The following PFKP variants were observed in gnomAD, a reference collection of about 807,000 sequenced individuals.
PFKP encodes ATP-dependent 6-phosphofructokinase, platelet type.
Under a neutral mutation model 94.3 loss-of-function variants are expected in PFKP, and 101 were observed. The ratio of observed to expected loss-of-function variants is 1.07; its 90% confidence interval spans 0.91 to 1.26. PFKP has a LOEUF of 1.26. Among genes scored for constraint, PFKP ranks in the 50% most tolerant of loss-of-function variants. The pLI, the probability that PFKP is intolerant of heterozygous loss-of-function variation, is 0.00. For missense variants in PFKP, 1,145 were observed against 1,103.3 expected, an observed-to-expected ratio of 1.04 and a Z score of -0.53; for synonymous variants, 573 against 432.6, an observed-to-expected ratio of 1.32 and a Z score of -4.03.
intron 1 of PFKP, among the ~76,000 whole-genome samples, chr10:3,074,826 C>A (rs1201543638): frequency 6.6e-6 from 1 of 152,124 alleles, no homozygotes; most frequent in African/African-American, 2.4e-5. Context: ...TGTGCCGAGA[C>A]CAGCTCAGTC....
At chr10:3,129,724 G>C (rs1271103872) in intron 16 of PFKP, 95 bp from the exon 17 acceptor site, 1 of 1,333,988 alleles carries the variant, frequency 7.5e-7, no homozygotes, top group Non-Finnish European at 1.0e-6. Flanking sequence ...GGGCGCGGTG[G>C]GGGGGCCTTG....
At chr10:3,106,236 G>C (rs545092176) in intron 7 of PFKP, among the ~76,000 whole-genome samples, 2 of 147,714 alleles carry the variant, frequency 1.4e-5, no homozygotes, top group South Asian at 4.4e-4. Flanking sequence ...CGCCTGTGGG[G>C]CGTCCACCTG....
chr10:3,069,847 T>G (rs1157398414), intron 1 of PFKP, among the ~76,000 whole-genome samples: 1 of 152,242 alleles, frequency 6.6e-6, no homozygotes, highest in Non-Finnish European at 1.5e-5. Flanking sequence ...CATGTGAGAT[T>G]AGGATACATT....
intron 1 of PFKP, among the ~76,000 whole-genome samples, chr10:3,076,139 C>T (rs760989287): frequency 2.1e-4 from 32 of 151,846 alleles, no homozygotes; most frequent in African/African-American, 4.4e-4. Context: ...CACTGTTTTC[C>T]GTAGTAAGTC....
Position 3,136,586 on chromosome 10 carries a change from C to T in PFKP, c.*7C>T, listed in dbSNP as rs1352393863. ...GCAGCCCTGGAGTGTCTGACCCAGT[C>T]CCGCCTGCATGTGCCTGCAGCCACC... On this transcript the variant is annotated 3_prime_UTR_variant, in exon 22 of 22. Coordinates refer to ENST00000381125, the MANE Select transcript of PFKP (RefSeq NM_002627.5). The T allele has an allele frequency of 1.9e-6, 3 of 1,612,836 alleles. No individual in the cohort carries two copies. Among genetic ancestry groups the T allele is most frequent in the Non-Finnish European group, 2.5e-6 (3 of 1,179,362 alleles).
At chr10:3,132,623 C>A (rs1412871540) in intron 18 of PFKP, among the ~76,000 whole-genome samples, 182 bp downstream of exon 18, 1 of 151,956 alleles carries the variant, frequency 6.6e-6, no homozygotes, top group African/African-American at 2.4e-5. Flanking sequence ...TGCATTTAGA[C>A]AACTAATATT....
intron 16 of PFKP, 139 bp from the exon 17 acceptor site, chr10:3,129,680 C>A: frequency 1.1e-6 from 1 of 892,256 alleles, no homozygotes; most frequent in Non-Finnish European, 1.8e-6. Context: ...GCTGCACACC[C>A]TTCACCTCTG....
At chr10:3,098,706 G>T (rs575728690) in intron 2 of PFKP, among the ~76,000 whole-genome samples, 1 of 147,202 alleles carries the variant, frequency 6.8e-6, no homozygotes, top group African/African-American at 2.5e-5. Flanking sequence ...TTGTCCTTGG[G>T]CTTCTTCTAT....
At chr10:3,118,714 G>A in intron 14 of PFKP, 68 bp from the exon 15 acceptor site, 1 of 1,114,976 alleles carries the variant, frequency 9.0e-7, no homozygotes, top group Non-Finnish European at 1.4e-6. Flanking sequence ...GTGGGGACCG[G>A]CGTGGCGTCC....
chr10:3,110,699 G>C (rs947771892), intron 10 of PFKP, among the ~76,000 whole-genome samples: 1 of 152,076 alleles, frequency 6.6e-6, no homozygotes, highest in Non-Finnish European at 1.5e-5. Flanking sequence ...TGTGTGCGCA[G>C]GCTTGTGTCT....
At position 3,108,769 on chromosome 10, in the gene PFKP, C is replaced by A. The variant is rs11542780; in HGVS notation, c.939C>A (p.Thr313=). The change falls in exon 9 of 22, where the codon ACC becomes ACA. Residue 313 remains threonine (T), a synonymous_variant. Transcript: ENST00000381125. ...TILGHVQRGG[T]PSAFDRILAS... ...TCGGGCACGTGCAGAGAGGAGGGAC[C>A]CCTTCGGCATTCGACAGGATCTTGG... 1 of 1,613,314 alleles carries A rather than the reference C, an allele frequency of 6.2e-7. No individual in the cohort carries two copies. Among genetic ancestry groups the A allele is most frequent in the South Asian group, 1.1e-5 (1 of 91,080 alleles).
rs202105167 is a variant in PFKP at position 3,109,464 on chromosome 10, T to C, written c.1073T>C (p.Met358Thr). 3 of 1,605,576 alleles carry C rather than the reference T, an allele frequency of 1.9e-6. No individual in the cohort carries two copies. In the East Asian group the frequency reaches 6.7e-5, roughly 36 times the overall value. The change falls in exon 10 of 22, where the codon ATG becomes ACG. Residue 358 changes from methionine to threonine, a missense_variant. Physicochemically the swap from Met to Thr is moderately conservative, Grantham distance 81. Around this residue, in one of 3 missense-constraint regions of PFKP, gnomAD observed 1,119 missense variants for 1,062.8 expected, o/e 1.05. Transcript: ENST00000381125. Reference protein sequence around the residue: ...NGNHAVRLPLMECVQMTQDVQ... With the variant: ...NGNHAVRLPLTECVQMTQDVQ... ...AACCACGCCGTGCGCCTGCCGCTGA[T>C]GGAGTGCGTGCAGATGGTGAGTGGG...
At chr10:3,093,031 T>G (rs1588439939) in intron 2 of PFKP, among the ~76,000 whole-genome samples, 3 of 130,900 alleles carry the variant, frequency 2.3e-5, no homozygotes, top group Non-Finnish European at 3.3e-5. Context: ...TGGAAGGGGG[T>G]GGCCACAGAA....
chr10:3,112,074 C>T (rs1028584764), intron 10 of PFKP, 148 bp from the exon 11 acceptor site: 5 of 671,436 alleles, frequency 7.4e-6, no homozygotes, highest in South Asian at 3.4e-5. Flanking sequence ...GGCGGCCGGT[C>T]GTCTAGACCA....
chr10:3,109,245 G>C, intron 9 of PFKP, 110 bp from the exon 10 acceptor site: 2 of 1,409,488 alleles, frequency 1.4e-6, no homozygotes, highest in South Asian at 2.3e-5. Flanking sequence ...GGAAGCGGGA[G>C]GGGCTGTGAG....
intron 2 of PFKP, among the ~76,000 whole-genome samples, chr10:3,094,450 C>G (rs1423274567): frequency 6.6e-6 from 1 of 152,184 alleles, no homozygotes; most frequent in Non-Finnish European, 1.5e-5. Context: ...TGAGGCTGCT[C>G]TATAGAAATT....
At chr10:3,093,130 A>G (rs1304248059) in intron 2 of PFKP, among the ~76,000 whole-genome samples, 1 of 151,632 alleles carries the variant, frequency 6.6e-6, no homozygotes, top group East Asian at 1.9e-4. Context: ...GGCCGTGGAA[A>G]CTAGTTGGCA....
intron 1 of PFKP, among the ~76,000 whole-genome samples, chr10:3,080,649 AC>A (rs2131412712): frequency 6.6e-6 from 1 of 152,260 alleles, no homozygotes; most frequent in African/African-American, 2.4e-5. Context: ...CCGTCCCCAT[AC>A]CCAGCTCTCC....
At position 3,132,689 on chromosome 10, in the gene PFKP, C is replaced by T. The variant is rs113850927; in HGVS notation, c.1910+248C>T. Among the ~76,000 whole-genome samples the T allele has an allele frequency of 4.7e-3, 722 of 152,294 alleles. 6 individuals are homozygous for T. The highest frequency in any genetic ancestry group is 0.016 in the African/African-American group (682 of 41,560). On this transcript the variant is annotated intron_variant, in intron 18 of 21. Transcript: ENST00000381125. Reference sequence around the variant, plus strand: ...CTTGCAATCATTTCCCTAATTAGCACCTGATGTTTATGAAGAAAGAAGGAA... The same window carrying T: ...CTTGCAATCATTTCCCTAATTAGCATCTGATGTTTATGAAGAAAGAAGGAA...
Sources: allele counts gnomAD v4.1 joint callset (sites outside exome capture counted in the v4.1 genomes callset), GRCh38; gene constraint gnomAD v4.1.1; regional missense constraint gnomAD v4.1.1; transcripts MANE v1.5; gene names NCBI Gene and HGNC (gene_info 2026-07-23, HGNC 2026-07-21).